Variants in CAST observed in about 807,000 individuals in gnomAD.
The protein encoded by CAST is MIR583 host.
CAST carries 76 observed loss-of-function variants against 119.6 expected under a neutral mutation model. The observed-to-expected ratio is 0.64, with a 90% CI of 0.53 to 0.77. The LOEUF is 0.77. CAST is among the 30% of genes least tolerant of loss of function. CAST has a pLI of 0.00. For synonymous variants in CAST, 319 were observed against 331.6 expected (o/e 0.96, Z 0.41); for missense variants, 953 against 946.5 (o/e 1.01, Z -0.09).
chr5:96,329,970 T>G, the CAST span, among the ~76,000 whole-genome samples: 5 of 152,380 alleles, frequency 3.3e-5, no homozygotes, highest in East Asian at 9.6e-4. Flanking sequence ...TAAACATTTC[T>G]GTCTTTTTAG....
chr5:96,381,899 A>G, the CAST span, among the ~76,000 whole-genome samples: 21 of 152,286 alleles, frequency 1.4e-4, no homozygotes, highest in South Asian at 1.0e-3. Flanking sequence ...TTTTAAGTGC[A>G]TTTTCTTATC....
At chr5:96,537,010 G>T (rs898387197) in intron 1 of CAST, among the ~76,000 whole-genome samples, 9 of 152,176 alleles carry the variant, frequency 5.9e-5, no homozygotes, top group Non-Finnish European at 7.3e-5. Context: ...TCTACCCAGT[G>T]CTCAAATTAA....
At chr5:96,363,783 A>G in the CAST span, among the ~76,000 whole-genome samples, 2 of 152,228 alleles carry the variant, frequency 1.3e-5, no homozygotes, top group African/African-American at 4.8e-5. Flanking sequence ...ATTTGCAAAC[A>G]GGGACAATTT....
chr5:96,211,102 C>A, the CAST span, among the ~76,000 whole-genome samples: 11 of 151,918 alleles, frequency 7.2e-5, no homozygotes, highest in African/African-American at 2.7e-4. Flanking sequence ...GGCAATTATA[C>A]CTACAAATAG....
chr5:96,100,408 C>A, the CAST span, among the ~76,000 whole-genome samples: 1 of 152,148 alleles, frequency 6.6e-6, no homozygotes, highest in Non-Finnish European at 1.5e-5. Flanking sequence ...CTGTCTTGAG[C>A]CTTAGCCCAC....
At chr5:96,746,555 A>C (rs1430419905) in intron 17 of CAST, 130 bp downstream of exon 17, 3 of 717,082 alleles carry the variant, frequency 4.2e-6, no homozygotes, top group Non-Finnish European at 7.6e-6. Flanking sequence ...AAAACCCTGA[A>C]CCTTTTTTTC....
the CAST span, among the ~76,000 whole-genome samples, chr5:96,419,044 G>T: frequency 2.6e-5 from 4 of 151,898 alleles, no homozygotes; most frequent in African/African-American, 9.7e-5. Flanking sequence ...ATATATATGT[G>T]TATGTCCAAG....
At chr5:96,749,981 G>A (rs1764638378) in intron 19 of CAST, among the ~76,000 whole-genome samples, 1 of 152,120 alleles carries the variant, frequency 6.6e-6, no homozygotes, top group Non-Finnish European at 1.5e-5. Flanking sequence ...AGTACATGGG[G>A]CAGGGGTCTA....
chr5:95,970,037 C>T, the CAST span, among the ~76,000 whole-genome samples: 1 of 152,172 alleles, frequency 6.6e-6, no homozygotes, highest in Non-Finnish European at 1.5e-5. Context: ...GTATCTTATG[C>T]TTGAGGGATG....
the CAST span, among the ~76,000 whole-genome samples, chr5:96,098,287 T>A: frequency 6.6e-6 from 1 of 152,232 alleles, no homozygotes; most frequent in Non-Finnish European, 1.5e-5. Context: ...CTTTTTACTC[T>A]GTTGATAGTT....
At chr5:96,364,744 A>C in the CAST span, among the ~76,000 whole-genome samples, 5 of 152,052 alleles carry the variant, frequency 3.3e-5, no homozygotes, top group African/African-American at 1.2e-4. Flanking sequence ...CTGCAGGTCT[A>C]TCAATTTTGT....
chr5:96,259,571 C>T, the CAST span, among the ~76,000 whole-genome samples: 2 of 152,088 alleles, frequency 1.3e-5, no homozygotes, highest in Non-Finnish European at 2.9e-5. Context: ...CTTAGATTCC[C>T]CTGTGGTCAT....
At chr5:96,410,692 CA>C in the CAST span, 12 of 1,130,544 alleles carry the variant, frequency 1.1e-5, no homozygotes, top group Non-Finnish European at 1.5e-5. Flanking sequence ...TCAGTCGTAC[CA>C]AAGGTCAGTT....
chr5:96,728,116 A>C (rs1213072407), intron 6 of CAST, among the ~76,000 whole-genome samples: 2 of 152,202 alleles, frequency 1.3e-5, no homozygotes, highest in East Asian at 1.9e-4. Flanking sequence ...GTACGGCAGC[A>C]CAAATGTTTC....
chr5:96,360,779 G>T, the CAST span, among the ~76,000 whole-genome samples: 1 of 152,222 alleles, frequency 6.6e-6, no homozygotes, highest in Non-Finnish European at 1.5e-5. Context: ...CCCCTGCTGG[G>T]TGGTATCTCC....
chr5:96,760,013 A>G (rs527555803), intron 24 of CAST, among the ~76,000 whole-genome samples: 1 of 152,176 alleles, frequency 6.6e-6, no homozygotes, highest in African/African-American at 2.4e-5. Context: ...AAAATATTGC[A>G]ATGATTTTCA....
At chr5:96,767,278 C>T (rs972723608) in intron 27 of CAST, among the ~76,000 whole-genome samples, 160 bp from the exon 28 acceptor site, 1 of 152,190 alleles carries the variant, frequency 6.6e-6, no homozygotes, top group Non-Finnish European at 1.5e-5. Flanking sequence ...TTAAGCAAAG[C>T]TGGTAAAGAA....
At chr5:96,557,176 A>G (rs186349666) in intron 1 of CAST, among the ~76,000 whole-genome samples, 3 of 152,038 alleles carry the variant, frequency 2.0e-5, no homozygotes, top group East Asian at 3.8e-4. Context: ...TTTTGTCACC[A>G]CCAGGCCTGC....
chr5:96,575,477 C>T (rs547503084), intron 1 of CAST, among the ~76,000 whole-genome samples: 77 of 152,028 alleles, frequency 5.1e-4, no homozygotes, highest in Admixed American at 8.5e-4. Context: ...GCCTTGTTAC[C>T]GATCTTGGGG....
Sources: allele counts gnomAD v4.1 joint callset (sites outside exome capture counted in the v4.1 genomes callset), GRCh38; gene constraint gnomAD v4.1.1; transcripts MANE v1.5; gene names NCBI Gene and HGNC (gene_info 2026-07-23, HGNC 2026-07-21).